The following SCAP variants were observed in gnomAD, a reference collection of about 807,000 sequenced individuals.
SCAP encodes the protein SREBF chaperone.
Under a neutral mutation model 123.6 loss-of-function variants are expected in SCAP, and 65 were observed. The ratio of observed to expected loss-of-function variants is 0.53; its 90% CI spans 0.43 to 0.65. The LOEUF (loss-of-function observed/expected upper bound fraction) is 0.65. Among genes scored for constraint, SCAP ranks in the 30% least tolerant of loss-of-function variants. The probability of loss-of-function intolerance (pLI) is 0.00; values close to 1 mark genes in which losing one functional copy is unlikely to be tolerated. For missense variants in SCAP, 1,398 were observed against 1,712.5 expected, an observed-to-expected ratio of 0.82 and a Z score of 3.24; for synonymous variants, 740 against 726.3, an observed-to-expected ratio of 1.02 and a Z score of -0.30.
At chr3:47,456,746 C>T (rs1437158415) in intron 1 of SCAP, among the ~76,000 whole-genome samples, 1 of 151,806 alleles carries the variant, frequency 6.6e-6, no homozygotes, top group Non-Finnish European at 1.5e-5. Context: ...GATCGTGCCA[C>T]TGTACTCTAG....
chr3:47,418,437 C>T lies in SCAP; in HGVS notation c.2215G>A (p.Gly739Arg), dbSNP rs1430027245. The change falls in exon 15 of 23, where the codon GGG becomes AGG. Residue 739 changes from glycine (G) to arginine (R), a missense_variant. Transcript: ENST00000265565. ...LYRVLCPRNY[G>R]QLGGGPGRRR... ...CGCCCGGGCCCACCACCCAGCTGCCCGTAGTTGCGCGGGCATAGCACGCGG... is the reference window on the plus strand; with the variant it reads ...CGCCCGGGCCCACCACCCAGCTGCCTGTAGTTGCGCGGGCATAGCACGCGG... 13 of 1,590,594 alleles carry T rather than the reference C, an allele frequency of 8.2e-6. No individual in the cohort carries two copies. The highest frequency in any genetic ancestry group is 1.7e-5 in the Admixed American group (1 of 57,610).
intron 18 of SCAP, among the ~76,000 whole-genome samples, chr3:47,416,802 ATT>A (rs1215444184): frequency 6.7e-6 from 1 of 149,352 alleles, no homozygotes; most frequent in African/African-American, 2.5e-5. Flanking sequence ...AATTTTTTGT[ATT>A]TTTAGTAGAG....
chr3:47,447,557 G>A (rs951125481), intron 1 of SCAP, among the ~76,000 whole-genome samples: 6 of 151,986 alleles, frequency 3.9e-5, no homozygotes, highest in Non-Finnish European at 5.9e-5. Flanking sequence ...GTGTGGTGGC[G>A]AGTGCCTGTA....
chr3:47,474,765 C>T (rs748658270), intron 1 of SCAP, among the ~76,000 whole-genome samples: 7 of 152,172 alleles, frequency 4.6e-5, no homozygotes, highest in Non-Finnish European at 1.0e-4. Flanking sequence ...CCACTGCACT[C>T]CAGCCTGGGA....
Position 47,420,623 on chromosome 3 carries a change from C to T in SCAP, c.1494G>A (p.Leu498=). 1 of 1,612,294 alleles carries T rather than the reference C, an allele frequency of 6.2e-7. No homozygotes were observed. Among genetic ancestry groups the T allele is most frequent in the South Asian group, 1.1e-5 (1 of 91,016 alleles). The change falls in exon 12 of 23, where the codon CTG becomes CTA. Residue 498 remains leucine, a synonymous_variant. Transcript: ENST00000265565. The surrounding 1 kb of genome is among the most constrained non-coding windows in gnomAD (Gnocchi z 5.0). The part of the protein sequence containing the change: ...ITLQPSSFRN[L]RLPKRLRVVY... Reference sequence around the variant, plus strand: ...CAACACGCAGCCTCTTGGGGAGCCGCAGGTTTCGGAAGGAAGACGGCTGCA... The same window carrying T: ...CAACACGCAGCCTCTTGGGGAGCCGTAGGTTTCGGAAGGAAGACGGCTGCA...
chr3:47,431,916 C>T (rs1393346334), intron 3 of SCAP, among the ~76,000 whole-genome samples: 1 of 152,112 alleles, frequency 6.6e-6, no homozygotes, highest in Non-Finnish European at 1.5e-5. Context: ...TATTGTCATC[C>T]ATTCATTTAT....
rs144277102 is a variant in SCAP at position 47,448,961 on chromosome 3, G to A, written c.-98-5870C>T. The stretch of plus-strand genomic sequence containing the variant: ...ACTCTAGCTCTTGTTTAAGTCCCAC[G>A]TAAAATTTTGAATTTGTCTTTGCAG... On this transcript the variant is annotated intron_variant, in intron 1 of 22. Transcript: ENST00000265565. Among the ~76,000 whole-genome samples the A allele has an allele frequency of 4.6e-5, 7 of 152,224 alleles. No individual in the cohort carries two copies. In the East Asian group the frequency reaches 5.8e-4, roughly 13 times the overall value.
chr3:47,452,616 T>C (rs1453552280), intron 1 of SCAP, among the ~76,000 whole-genome samples: 1 of 152,210 alleles, frequency 6.6e-6, no homozygotes, highest in Non-Finnish European at 1.5e-5. Context: ...ATTGGGCCTA[T>C]CCCAGACCTG....
At chr3:47,441,192 G>A (rs769048677) in intron 2 of SCAP, among the ~76,000 whole-genome samples, 1 of 152,014 alleles carries the variant, frequency 6.6e-6, no homozygotes, top group Non-Finnish European at 1.5e-5. Context: ...GAGCCACCAC[G>A]CCCGGCCAGG....
At position 47,413,749 on chromosome 3, in the gene SCAP, A is replaced by G. The variant is rs1705416640; in HGVS notation, c.*105T>C. On this transcript the variant is annotated 3_prime_UTR_variant, in exon 23 of 23. Coordinates refer to ENST00000265565, the MANE Select transcript of SCAP (RefSeq NM_012235.4). Reference sequence around the variant, plus strand: ...AAAGTTTAATATTATTACAGTCAGGAGGCAGCGGCTGGAAGATACTCGGCT... The same window carrying G: ...AAAGTTTAATATTATTACAGTCAGGGGGCAGCGGCTGGAAGATACTCGGCT... The G allele has an allele frequency of 1.4e-6, 2 of 1,418,410 alleles. No homozygotes were observed. Among genetic ancestry groups the G allele is most frequent in the African/African-American group, 2.9e-5 (2 of 69,796 alleles). The allele number at this position is 1,418,410 out of a possible 1,614,324, so 87.9% of individuals were successfully genotyped here.
intron 4 of SCAP, 144 bp from the exon 5 acceptor site, chr3:47,427,811 AG>A: frequency 2.9e-6 from 2 of 687,018 alleles, no homozygotes. Context: ...CTAGGGCAGC[AG>A]GGGGAAGTAC....
At position 47,462,109 on chromosome 3, in the gene SCAP, TA is replaced by T. The variant is rs879414354; in HGVS notation, c.-99+13689del. On this transcript the variant is annotated intron_variant, in intron 1 of 22. Coordinates refer to ENST00000265565, the MANE Select transcript of SCAP (RefSeq NM_012235.4). Reference sequence around the variant, plus strand: ...CAAAGTATTCTACTTCGTTTTGTGGTAAAAAAAAATTATTAACATAAACATC... The same window carrying T: ...CAAAGTATTCTACTTCGTTTTGTGGTAAAAAAAATTATTAACATAAACATC... 3.9e-3 allele frequency among the ~76,000 whole-genome samples: 586 copies of T among 151,790 alleles called. 5 individuals are homozygous for T. The highest frequency in any genetic ancestry group is 0.014 in the African/African-American group (566 of 41,374).
At chr3:47,432,357 GA>G (rs1025368612) in intron 3 of SCAP, among the ~76,000 whole-genome samples, 23 of 129,338 alleles carry the variant, frequency 1.8e-4, no homozygotes, top group African/African-American at 5.5e-4. Context: ...AAAAAAAAAA[GA>G]AAAAAAAATT....
Position 47,426,009 on chromosome 3 carries a change from AGATGTAGGCAAACAAGAT to A in SCAP, c.880_897del (p.Ile294_Ile299del). Reference sequence around the variant, plus strand: ...GCCATGAACCTACGCGTGGAGAAGTAGATGTAGGCAAACAAGATGATGTAGGTGGTCACAAGGGGGATG... The same window carrying A: ...GCCATGAACCTACGCGTGGAGAAGTAGATGTAGGTGGTCACAAGGGGGATG... On this transcript the variant is annotated inframe_deletion, in exon 7 of 23. Transcript: ENST00000265565. The A allele has an allele frequency of 1.2e-6, 2 of 1,614,182 alleles. No individual in the cohort carries two copies. Among genetic ancestry groups the A allele is most frequent in the Non-Finnish European group, 1.7e-6 (2 of 1,180,020 alleles).
chr3:47,432,406 C>T (rs1706401102), intron 3 of SCAP, among the ~76,000 whole-genome samples: 1 of 151,436 alleles, frequency 6.6e-6, no homozygotes, highest in Non-Finnish European at 1.5e-5. Flanking sequence ...TTTCGATTGC[C>T]CCCCTATGTC....
chr3:47,420,447 G>A lies in SCAP; in HGVS notation c.1563+107C>T, dbSNP rs946118195. On this transcript the variant is annotated intron_variant, in intron 12 of 22. Coordinates refer to ENST00000265565, the MANE Select transcript of SCAP (RefSeq NM_012235.4). The surrounding 1 kb of genome is among the most constrained non-coding windows in gnomAD (Gnocchi z 5.0). ...GAGCCAGGCTTCCAGGGGCCACCAG[G>A]GCCTGAGGAATACCCTTTGCCACTC... 1.8e-5 allele frequency: 18 copies of A among 1,027,798 alleles called. No individual in the cohort carries two copies. The highest frequency in any genetic ancestry group is 2.5e-5 in the Non-Finnish European group (18 of 723,308). 63.7% of individuals were successfully genotyped at this position (1,027,798 alleles called of 1,614,324 possible). A position where few individuals can be genotyped will look rare whatever the true frequency, so the allele number is the denominator to read the frequency against.
chr3:47,431,423 C>T (rs1287074870), intron 3 of SCAP, among the ~76,000 whole-genome samples: 1 of 151,302 alleles, frequency 6.6e-6, no homozygotes, highest in Non-Finnish European at 1.5e-5. Context: ...AAAGTATATT[C>T]AGGTTTTCTA....
intron 1 of SCAP, among the ~76,000 whole-genome samples, chr3:47,458,410 C>A (rs918571125): frequency 6.6e-6 from 1 of 152,102 alleles, no homozygotes; most frequent in Non-Finnish European, 1.5e-5. Flanking sequence ...GCCTGGGCAA[C>A]AGGGGCAAAA....
At chr3:47,446,915 G>A (rs929785455) in intron 1 of SCAP, among the ~76,000 whole-genome samples, 1 of 152,162 alleles carries the variant, frequency 6.6e-6, no homozygotes, top group Non-Finnish European at 1.5e-5. Context: ...TTGCACTCTA[G>A]CCTGGGCAAC....
Sources: allele counts gnomAD v4.1 joint callset (sites outside exome capture counted in the v4.1 genomes callset), GRCh38; gene constraint gnomAD v4.1.1; non-coding constraint Gnocchi (gnomAD v3.1); transcripts MANE v1.5; gene names NCBI Gene and HGNC (gene_info 2026-07-23, HGNC 2026-07-21).